Variants in SYT1 observed in about 807,000 individuals in gnomAD.
SYT1 encodes the protein synaptotagmin-1.
SYT1 carries 8 observed loss-of-function variants against 44.8 expected under a neutral mutation model. The observed-to-expected ratio is 0.18, with a 90% CI of 0.10 to 0.32. The LOEUF (loss-of-function observed/expected upper bound fraction) is 0.32. SYT1 is among the 10% of genes least tolerant of loss of function. The pLI is 1.00. For synonymous variants in SYT1, 154 were observed against 188.8 expected, an observed-to-expected ratio of 0.82 and a Z score of 1.51; for missense variants, 286 against 509.3, an observed-to-expected ratio of 0.56 and a Z score of 4.22.
intron 4 of SYT1, among the ~76,000 whole-genome samples, chr12:79,260,523 GT>G (rs1877770217): frequency 1.3e-5 from 2 of 152,174 alleles, no homozygotes; most frequent in Non-Finnish European, 2.9e-5. Flanking sequence ...ACAAAATTCT[GT>G]TGTGTTCTAG....
intron 9 of SYT1, among the ~76,000 whole-genome samples, chr12:79,443,551 G>A (rs1036549498): frequency 1.3e-5 from 2 of 152,194 alleles, no homozygotes; most frequent in Non-Finnish European, 2.9e-5. Context: ...AACAGTGCCT[G>A]TCACATCATA....
chr12:79,080,540 TATACATATAA>T (rs1404414954), intron 3 of SYT1, among the ~76,000 whole-genome samples: 1 of 152,142 alleles, frequency 6.6e-6, no homozygotes, highest in Non-Finnish European at 1.5e-5. Flanking sequence ...TTTTGGTGGA[TATACATATAA>T]ATACATTTTC....
chr12:79,318,133 T>G (rs1433462987), intron 8 of SYT1, among the ~76,000 whole-genome samples: 2 of 152,174 alleles, frequency 1.3e-5, no homozygotes, highest in African/African-American at 4.8e-5. Context: ...AAGAGATGTA[T>G]AGAAATTTTA....
intron 8 of SYT1, among the ~76,000 whole-genome samples, chr12:79,311,638 A>G (rs1880798921): frequency 7.3e-6 from 1 of 137,144 alleles, no homozygotes; most frequent in African/African-American, 2.8e-5. Flanking sequence ...ACAATGATAG[A>G]CTGGATTAAG....
chr12:79,329,842 G>A (rs970185405), intron 8 of SYT1, among the ~76,000 whole-genome samples: 4 of 152,292 alleles, frequency 2.6e-5, no homozygotes, highest in African/African-American at 4.8e-5. Flanking sequence ...ATATGGAAAC[G>A]GAGAAGATAG....
chr12:78,919,048 GT>G (rs1187233142), intron 1 of SYT1, among the ~76,000 whole-genome samples: 1 of 152,012 alleles, frequency 6.6e-6, no homozygotes, highest in East Asian at 1.9e-4. Flanking sequence ...AAGCATTGAT[GT>G]GAAAACAACC....
intron 1 of SYT1, among the ~76,000 whole-genome samples, chr12:78,967,877 A>C (rs1442116031): frequency 1.5e-4 from 23 of 152,164 alleles, no homozygotes; most frequent in Admixed American, 1.4e-3. Context: ...AACTAGAAAA[A>C]ACAAAATGTG....
intron 2 of SYT1, among the ~76,000 whole-genome samples, chr12:78,996,957 AAGACACTGGGCTATCTAC>A (rs1346384811): frequency 6.6e-6 from 1 of 152,202 alleles, no homozygotes; most frequent in Non-Finnish European, 1.5e-5. Flanking sequence ...TTTATCAAAA[AAGACACTGGGCTATCTAC>A]AGAACCCAAG....
At chr12:79,324,061 C>T (rs1881495679) in intron 8 of SYT1, among the ~76,000 whole-genome samples, 1 of 150,950 alleles carries the variant, frequency 6.6e-6, no homozygotes, top group African/African-American at 2.4e-5. Context: ...AGCGATTCTC[C>T]TGCCTCAGCC....
Position 79,449,130 on chromosome 12 carries a change from A to G in SYT1, c.*6A>G, listed in dbSNP as rs747880686. ...TGCTGGCCGTCAAGAAGTAAAGGAAAGAAGAAGCCTTTCTGCATTTGCCCA... is the reference window on the plus strand; with the variant it reads ...TGCTGGCCGTCAAGAAGTAAAGGAAGGAAGAAGCCTTTCTGCATTTGCCCA... On this transcript the variant is annotated 3_prime_UTR_variant, in exon 11 of 11. Coordinates refer to ENST00000261205, the MANE Select transcript of SYT1 (RefSeq NM_005639.3). The G allele has an allele frequency of 2.7e-5, 43 of 1,598,940 alleles. No individual in the cohort carries two copies. The highest frequency in any genetic ancestry group is 6.7e-5 in the African/African-American group (5 of 74,684).
intron 3 of SYT1, among the ~76,000 whole-genome samples, chr12:79,050,517 CTAA>C (rs1308938445): frequency 6.6e-6 from 1 of 151,970 alleles, no homozygotes; most frequent in African/African-American, 2.4e-5. Flanking sequence ...ACACTGGATA[CTAA>C]TAATAAAGAG....
rs542189201 is a variant in SYT1, at chr12:78,894,439, T to G, written c.-217+29330T>G. On this transcript the variant is annotated intron_variant, in intron 1 of 10. Coordinates refer to ENST00000261205, the MANE Select transcript of SYT1 (RefSeq NM_005639.3). ...GGCAGAGACTTGTACCCAAGCCTTATGACTTTCTAGCTGTGTAACATACAC... is the reference window on the plus strand; with the variant it reads ...GGCAGAGACTTGTACCCAAGCCTTAGGACTTTCTAGCTGTGTAACATACAC... Among the ~76,000 whole-genome samples the G allele has an allele frequency of 8.1e-5, 12 of 148,166 alleles. 1 individual carries two copies. The Admixed American group carries it at 8.1e-4, about 10-fold the overall frequency.
chr12:79,161,849 T>G (rs1263855378), intron 3 of SYT1, among the ~76,000 whole-genome samples: 1 of 152,060 alleles, frequency 6.6e-6, no homozygotes, highest in African/African-American at 2.4e-5. Context: ...GAGTATAATA[T>G]CAAACCCAAA....
intron 4 of SYT1, among the ~76,000 whole-genome samples, chr12:79,234,491 A>G (rs2138628670): frequency 6.6e-6 from 1 of 152,282 alleles, no homozygotes; most frequent in Non-Finnish European, 1.5e-5. Flanking sequence ...CTGTTCCAGC[A>G]TTTCACTAAA....
chr12:79,376,873 G>T (rs921436325), intron 9 of SYT1, among the ~76,000 whole-genome samples: 1 of 151,994 alleles, frequency 6.6e-6, no homozygotes, highest in African/African-American at 2.4e-5. Context: ...ATATTTCACT[G>T]CCCGATATCA....
chr12:78,996,546 A>G (rs1167990879), intron 2 of SYT1, among the ~76,000 whole-genome samples: 5 of 152,214 alleles, frequency 3.3e-5, no homozygotes, highest in Admixed American at 2.0e-4. Context: ...CTAATAGTCA[A>G]GGGTATTCTT....
chr12:79,086,177 C>T (rs141688083), intron 3 of SYT1, among the ~76,000 whole-genome samples: 121 of 152,060 alleles, frequency 8.0e-4, no homozygotes, highest in African/African-American at 2.8e-3. Flanking sequence ...TTTACCATCA[C>T]CATCATCATC....
chr12:78,894,128 G>A (rs773902621), intron 1 of SYT1, among the ~76,000 whole-genome samples: 5 of 150,814 alleles, frequency 3.3e-5, no homozygotes, highest in Non-Finnish European at 7.4e-5. Flanking sequence ...CTTAACACCT[G>A]GAACCACTCC....
chr12:79,413,471 G>A (rs1037774010), intron 9 of SYT1, among the ~76,000 whole-genome samples: 1 of 152,142 alleles, frequency 6.6e-6, no homozygotes, highest in Non-Finnish European at 1.5e-5. Flanking sequence ...AAACAACTTT[G>A]TGCCTTTAAA....
Sources: gnomAD v4.1 joint callset for allele counts (sites outside exome capture counted in the v4.1 genomes callset) on GRCh38, gnomAD v4.1.1 for gene constraint, MANE v1.5 for transcripts, NCBI Gene and HGNC (gene_info 2026-07-23, HGNC 2026-07-21) for gene names.